The following NPFFR2 variants were observed in gnomAD, a reference collection of about 807,000 sequenced individuals.
NPFFR2 encodes the protein neuropeptide FF receptor 2.
NPFFR2 carries 15 observed loss-of-function variants against 13.1 expected under a neutral mutation model. That is an observed-to-expected ratio of 1.15 (90% CI 0.77 to 1.76). The LOEUF (loss-of-function observed/expected upper bound fraction) is 1.76. NPFFR2 is among the 40% of genes most tolerant of loss of function. The pLI, the probability that NPFFR2 is intolerant of heterozygous loss-of-function variation, is 0.00. For synonymous variants in NPFFR2, 190 were observed against 175.7 expected (o/e 1.08, Z -0.65); for missense variants, 572 against 503.5 (o/e 1.14, Z -1.30).
At chr4:72,086,370 A>T (rs1260781338) in intron 1 of NPFFR2, among the ~76,000 whole-genome samples, 1 of 152,074 alleles carries the variant, frequency 6.6e-6, no homozygotes, top group Non-Finnish European at 1.5e-5. Flanking sequence ...GAACATGGAT[A>T]TCACTAATAA....
chr4:72,071,080 G>GA (rs1235962422), intron 1 of NPFFR2, among the ~76,000 whole-genome samples: 1 of 152,022 alleles, frequency 6.6e-6, no homozygotes, highest in African/African-American at 2.4e-5. Context: ...CATTGACTGA[G>GA]AAAAAAACAT....
At chr4:72,043,533 C>T (rs1018226182) in intron 1 of NPFFR2, among the ~76,000 whole-genome samples, 1 of 152,236 alleles carries the variant, frequency 6.6e-6, no homozygotes, top group African/African-American at 2.4e-5. Flanking sequence ...CTACATCTTG[C>T]ATCAGTGTGA....
intron 1 of NPFFR2, among the ~76,000 whole-genome samples, chr4:72,101,357 ATAGAC>A (rs1239935668): frequency 1.3e-5 from 2 of 151,984 alleles, no homozygotes; most frequent in Non-Finnish European, 2.9e-5. Flanking sequence ...AACGATCAGA[ATAGAC>A]TAGAATAGGT....
rs151314267 is a variant in NPFFR2, at chr4:72,147,313, G to A, written c.764G>A (p.Gly255Asp). The change falls in exon 4 of 4, where the codon GGC (glycine) becomes GAC (aspartate). Residue 255 changes from glycine (G) to aspartate (D), a missense_variant. Physicochemically the swap from Gly to Asp is moderately conservative, Grantham distance 94. Transcript: ENST00000308744. ...SLFRAAVPHT[G>D]RKNQEQWHVV... The stretch of plus-strand genomic sequence containing the variant: ...TTCAGGGCTGCAGTTCCTCACACAG[G>A]CAGGAAGAACCAGGAGCAGTGGCAC... 1.1e-5 allele frequency: 17 copies of A among 1,614,008 alleles called. No homozygotes were observed. The highest frequency in any genetic ancestry group is 1.3e-5 in the Non-Finnish European group (15 of 1,180,034).
chr4:72,065,031 A>C (rs918067907), intron 1 of NPFFR2, among the ~76,000 whole-genome samples: 3 of 152,046 alleles, frequency 2.0e-5, no homozygotes, highest in African/African-American at 7.2e-5. Flanking sequence ...AATGCATCCA[A>C]GTTGTCCAGT....
At chr4:72,076,998 C>A (rs1425744328) in intron 1 of NPFFR2, among the ~76,000 whole-genome samples, 1 of 152,122 alleles carries the variant, frequency 6.6e-6, no homozygotes, top group Non-Finnish European at 1.5e-5. Flanking sequence ...AGTAAATCAT[C>A]TAAATTAATT....
intron 3 of NPFFR2, among the ~76,000 whole-genome samples, chr4:72,141,340 A>C (rs1377565473): frequency 1.3e-5 from 2 of 151,996 alleles, no homozygotes; most frequent in South Asian, 2.1e-4. Flanking sequence ...TAGTTCTTTT[A>C]ATTGTGATGT....
chr4:72,032,959 A>T (rs911672258), intron 1 of NPFFR2, among the ~76,000 whole-genome samples: 2 of 152,206 alleles, frequency 1.3e-5, no homozygotes, highest in Non-Finnish European at 2.9e-5. Flanking sequence ...ATTTCTTTTT[A>T]AAAAATCTTA....
chr4:72,136,260 A>T (rs1722408180), intron 2 of NPFFR2, among the ~76,000 whole-genome samples: 2 of 152,090 alleles, frequency 1.3e-5, no homozygotes, highest in South Asian at 4.1e-4. Context: ...CAGGAGCTTG[A>T]GGTAGGAGGA....
At chr4:72,132,770 T>C (rs1268967735) in intron 2 of NPFFR2, among the ~76,000 whole-genome samples, 1 of 139,666 alleles carries the variant, frequency 7.2e-6, no homozygotes, top group Non-Finnish European at 1.5e-5. Context: ...CTTTTTTTCA[T>C]ATGTTTGTTG....
chr4:72,127,184 G>T (rs539228935), intron 1 of NPFFR2, among the ~76,000 whole-genome samples: 10 of 149,112 alleles, frequency 6.7e-5, no homozygotes, highest in African/African-American at 2.5e-4. Flanking sequence ...GGTGCCTGTA[G>T]TCCCAGCTAC....
At chr4:72,120,935 G>A (rs1164065719) in intron 1 of NPFFR2, among the ~76,000 whole-genome samples, 20 of 151,968 alleles carry the variant, frequency 1.3e-4, no homozygotes, top group Non-Finnish European at 4.4e-5. Context: ...CAGAAGGTGG[G>A]TAATAACAAA....
At chr4:72,140,707 G>C (rs1455989887) in intron 3 of NPFFR2, among the ~76,000 whole-genome samples, 2 of 152,090 alleles carry the variant, frequency 1.3e-5, no homozygotes, top group Non-Finnish European at 2.9e-5. Context: ...CAGGGATATT[G>C]GTCTAAAATT....
At chr4:72,131,070 A>T (rs143759528) in intron 2 of NPFFR2, among the ~76,000 whole-genome samples, 39 of 151,958 alleles carry the variant, frequency 2.6e-4, no homozygotes, top group African/African-American at 7.7e-4. Context: ...CGATGTTCAG[A>T]TGCTTCTTGT....
chr4:72,113,902 T>A (rs1047792655), intron 1 of NPFFR2, among the ~76,000 whole-genome samples: 2 of 152,082 alleles, frequency 1.3e-5, no homozygotes, highest in Non-Finnish European at 2.9e-5. Context: ...ATACCTCAGT[T>A]TAAGGGACAT....
intron 3 of NPFFR2, among the ~76,000 whole-genome samples, chr4:72,143,285 A>T (rs568119671): frequency 6.6e-6 from 1 of 152,302 alleles, no homozygotes; most frequent in East Asian, 1.9e-4. Context: ...CTGCCTGTAA[A>T]TTGGAGACCT....
intron 1 of NPFFR2, among the ~76,000 whole-genome samples, chr4:72,058,418 AG>A (rs1410419452): frequency 2.0e-5 from 3 of 151,868 alleles, no homozygotes; most frequent in Admixed American, 2.0e-4. Context: ...AGACTTTTGA[AG>A]AAAATATCTA....
chr4:72,068,556 G>A (rs1720142371), intron 1 of NPFFR2, among the ~76,000 whole-genome samples: 1 of 152,136 alleles, frequency 6.6e-6, no homozygotes, highest in African/African-American at 2.4e-5. Flanking sequence ...ATGAGAGCAG[G>A]GCCCTCTCTG....
Position 72,050,846 on chromosome 4 carries a change from G to A in NPFFR2, c.-8+18646G>A, listed in dbSNP as rs550493019. On this transcript the variant is annotated intron_variant, in intron 1 of 3. Transcript: ENST00000308744. The stretch of plus-strand genomic sequence containing the variant: ...TTCTCATTGTTCAATTCCCACCTAT[G>A]AGTGAGAATATGCGGTGTTTGGTTT... Among the ~76,000 whole-genome samples the A allele has an allele frequency of 7.1e-3, 1,054 of 148,236 alleles. 11 individuals are homozygous for A. Among genetic ancestry groups the A allele is most frequent in the African/African-American group, 0.025 (1,003 of 40,136 alleles).
Sources: gnomAD v4.1 joint callset for allele counts (sites outside exome capture counted in the v4.1 genomes callset) on GRCh38, gnomAD v4.1.1 for gene constraint, MANE v1.5 for transcripts, NCBI Gene and HGNC (gene_info 2026-07-23, HGNC 2026-07-21) for gene names.